NXN: variants seen among roughly 807,000 people sequenced by gnomAD.
NXN encodes nucleoredoxin 1.
Under a neutral mutation model 48.6 loss-of-function variants are expected in NXN, and 16 were observed. The observed-to-expected ratio is 0.33, with a 90% CI of 0.22 to 0.50. The LOEUF (loss-of-function observed/expected upper bound fraction) is 0.50, where lower values mean the gene tolerates loss of function less well. NXN is among the 20% of genes least tolerant of loss of function. The probability of loss-of-function intolerance (pLI) is 0.98; values close to 1 mark genes in which losing one functional copy is unlikely to be tolerated. For synonymous variants in NXN, 281 were observed against 269.6 expected (o/e 1.04, Z -0.41); for missense variants, 492 against 605.5 (o/e 0.81, Z 1.97).
chr17:936,184 C>T (rs983909956), intron 1 of NXN, among the ~76,000 whole-genome samples: 5 of 151,872 alleles, frequency 3.3e-5, no homozygotes, highest in South Asian at 2.1e-4. Flanking sequence ...CTCACCAGCA[C>T]GCCACTCGAT....
intron 1 of NXN, among the ~76,000 whole-genome samples, chr17:840,069 C>T (rs1462691611): frequency 2.7e-5 from 4 of 147,036 alleles, no homozygotes; most frequent in Non-Finnish European, 4.5e-5. Flanking sequence ...TGCACTCCAG[C>T]GTGGGCGACA....
At chr17:887,213 G>A (rs1396247697) in intron 1 of NXN, among the ~76,000 whole-genome samples, 1 of 152,144 alleles carries the variant, frequency 6.6e-6, no homozygotes, top group Non-Finnish European at 1.5e-5. Context: ...CACCGCGCCT[G>A]GCCTCAGTCT....
At chr17:951,997 A>G (rs1481079924) in intron 1 of NXN, among the ~76,000 whole-genome samples, 1 of 152,114 alleles carries the variant, frequency 6.6e-6, no homozygotes. Context: ...AGAATTCTCC[A>G]CGGTCAGCCA....
rs2068702886 is a variant in NXN at position 917,735 on chromosome 17, C to A, written c.360+61584G>T. On this transcript the variant is annotated intron_variant, in intron 1 of 7. Coordinates refer to ENST00000336868, the MANE Select transcript of NXN (RefSeq NM_022463.5). The surrounding 1 kb of genome is among the most constrained non-coding windows in gnomAD (Gnocchi z 4.5). ...ACGGACACCCCAGGTTCCAGCCCTACAAGGGGCGCGTACTGGCACAACAGG... is the reference window on the plus strand; with the variant it reads ...ACGGACACCCCAGGTTCCAGCCCTAAAAGGGGCGCGTACTGGCACAACAGG... Among the ~76,000 whole-genome samples the A allele has an allele frequency of 2.0e-5, 3 of 152,190 alleles. 1 individual carries two copies. Among genetic ancestry groups the A allele is most frequent in the South Asian group, 4.1e-4 (2 of 4,826 alleles).
Position 891,287 on chromosome 17 carries a change from G to C in NXN, c.361-65209C>G, listed in dbSNP as rs547558127. On this transcript the variant is annotated intron_variant, in intron 1 of 7. Coordinates refer to ENST00000336868, the MANE Select transcript of NXN (RefSeq NM_022463.5). The stretch of plus-strand genomic sequence containing the variant: ...TCATCATATTGCTGAGGCTGGTCTC[G>C]AATTCCTGAGCTCAAGCGATCCTCC... Among the ~76,000 whole-genome samples, 4 of 152,204 alleles carry C rather than the reference G, an allele frequency of 2.6e-5. No homozygotes were observed. In the South Asian group the frequency reaches 8.3e-4, roughly 32 times the overall value.
chr17:811,108 G>A (rs1911969238), intron 5 of NXN, among the ~76,000 whole-genome samples: 1 of 152,216 alleles, frequency 6.6e-6, no homozygotes. Context: ...GAAGAAAGAA[G>A]GAGGCGGAGA....
intron 1 of NXN, among the ~76,000 whole-genome samples, chr17:826,280 C>CG (rs1381226207): frequency 2.0e-5 from 3 of 151,112 alleles, no homozygotes; most frequent in African/African-American, 7.3e-5. Context: ...TGTGACAGTG[C>CG]GGGGGGCTCC....
At chr17:938,437 T>C (rs927770587) in intron 1 of NXN, among the ~76,000 whole-genome samples, 1 of 151,990 alleles carries the variant, frequency 6.6e-6, no homozygotes, top group Non-Finnish European at 1.5e-5. Flanking sequence ...ATCCCAACAC[T>C]TTGGGAGGCT....
At chr17:843,004 G>GAA (rs1567828989) in intron 1 of NXN, among the ~76,000 whole-genome samples, 1,031 of 76,328 alleles carry the variant, frequency 0.014, 4 homozygotes, top group South Asian at 0.023. Flanking sequence ...AAGAGAGAAA[G>GAA]AGAGAAAGAA....
intron 2 of NXN, 38 bp from the exon 3 acceptor site, chr17:823,803 C>T (rs1912946228): frequency 1.2e-6 from 2 of 1,612,034 alleles, no homozygotes; most frequent in African/African-American, 1.3e-5. Context: ...GGGCTTAGAC[C>T]CTTCTTGATG....
intron 1 of NXN, chr17:863,930 C>G: frequency 6.6e-7 from 1 of 1,506,770 alleles, no homozygotes; most frequent in African/African-American, 1.4e-5. Context: ...ACAGTGTGTT[C>G]CCCAGATCAG....
rs2069196520 is a variant in NXN at position 958,498 on chromosome 17, A to C, written c.360+20821T>G. 1.3e-5 allele frequency among the ~76,000 whole-genome samples: 2 copies of C among 151,802 alleles called. No individual in the cohort carries two copies. Among genetic ancestry groups the C allele is most frequent in the South Asian group, 4.2e-4 (2 of 4,806 alleles). ...TCCAACTCTACAAAAATTAATCTTA[A>C]AAATTAGCTCACTCCTATCATCCCA... is the stretch of plus-strand genomic sequence containing the variant. On this transcript the variant is annotated intron_variant, in intron 1 of 7. Transcript: ENST00000336868. This position sits in a 1 kb window ranked among gnomAD's most constrained non-coding sequence, Gnocchi z 6.9.
At chr17:975,814 G>A (rs1336049461) in intron 1 of NXN, among the ~76,000 whole-genome samples, 4 of 152,190 alleles carry the variant, frequency 2.6e-5, no homozygotes, top group Non-Finnish European at 4.4e-5. Flanking sequence ...CAGTCTTGAC[G>A]AGTGAGTAAC....
At chr17:841,469 C>A (rs1447587046) in intron 1 of NXN, among the ~76,000 whole-genome samples, 1 of 129,912 alleles carries the variant, frequency 7.7e-6, no homozygotes, top group Non-Finnish European at 1.7e-5. Context: ...GCATCTCACA[C>A]GGGCGAGCAG....
chr17:935,435 G>T (rs548752063), intron 1 of NXN, among the ~76,000 whole-genome samples: 29 of 152,292 alleles, frequency 1.9e-4, no homozygotes, highest in African/African-American at 6.7e-4. Flanking sequence ...ACTGAGAAGT[G>T]GGAGGCTTCC....
intron 1 of NXN, among the ~76,000 whole-genome samples, chr17:941,162 C>T (rs377348706): frequency 2.6e-5 from 3 of 114,580 alleles, no homozygotes; most frequent in Admixed American, 8.9e-5. Context: ...CAGCCATGAA[C>T]TCACATCACA....
intron 1 of NXN, among the ~76,000 whole-genome samples, chr17:963,182 TAA>T (rs146721381): frequency 1.1e-4 from 15 of 132,780 alleles, no homozygotes; most frequent in Middle Eastern, 3.7e-3. Flanking sequence ...AGGCTTGATT[TAA>T]AAAAAAAAAA....
chr17:962,579 G>A (rs952222235), intron 1 of NXN, among the ~76,000 whole-genome samples: 1 of 152,118 alleles, frequency 6.6e-6, no homozygotes, highest in Non-Finnish European at 1.5e-5. Context: ...TTAAAAATGT[G>A]AATTGTCCCT....
At chr17:882,042 T>C (rs528219846) in intron 1 of NXN, among the ~76,000 whole-genome samples, 2 of 152,270 alleles carry the variant, frequency 1.3e-5, no homozygotes, top group Admixed American at 6.5e-5. Context: ...ATAACAGCTG[T>C]TCAAACACAC....
Sources: allele counts gnomAD v4.1 joint callset (sites outside exome capture counted in the v4.1 genomes callset), GRCh38; gene constraint gnomAD v4.1.1; non-coding constraint Gnocchi (gnomAD v3.1); transcripts MANE v1.5; gene names NCBI Gene and HGNC (gene_info 2026-07-23, HGNC 2026-07-21).